The following CFAP299 variants were observed in gnomAD, a reference collection of about 807,000 sequenced individuals.
The protein encoded by CFAP299 is cilia and flagella associated protein 299, also known as cilia- and flagella-associated protein 299.
A neutral mutation model predicts 27.0 loss-of-function variants in CFAP299; 21 were observed. The observed-to-expected ratio is 0.78, with a 90% CI of 0.55 to 1.12. The LOEUF (loss-of-function observed/expected upper bound fraction) is 1.12, where lower values mean the gene tolerates loss of function less well. Ranked by LOEUF, CFAP299 falls within the 50% of genes most tolerant of loss-of-function variation. The pLI is 0.00. For synonymous variants in CFAP299, 104 were observed against 98.1 expected (o/e 1.06, Z -0.36); for missense variants, 310 against 276.6 (o/e 1.12, Z -0.86).
chr4:80,409,545 A>G (rs1463887441), intron 2 of CFAP299, among the ~76,000 whole-genome samples: 1 of 152,220 alleles, frequency 6.6e-6, no homozygotes, highest in East Asian at 1.9e-4. Context: ...ATTTCTACAT[A>G]GGTATCATGA....
At chr4:80,509,549 GT>G (rs908605972) in intron 2 of CFAP299, among the ~76,000 whole-genome samples, 1 of 152,080 alleles carries the variant, frequency 6.6e-6, no homozygotes, top group African/African-American at 2.4e-5. Context: ...ACCTCTGAGT[GT>G]GAATATTGAA....
intron 2 of CFAP299, among the ~76,000 whole-genome samples, chr4:80,439,347 C>T (rs538017900): frequency 1.3e-5 from 2 of 152,128 alleles, no homozygotes; most frequent in African/African-American, 4.8e-5. Flanking sequence ...ACTGAGGTAC[C>T]AAGCTCATCT....
intron 2 of CFAP299, among the ~76,000 whole-genome samples, chr4:80,418,741 C>T (rs1253220735): frequency 6.6e-6 from 1 of 152,108 alleles, no homozygotes; most frequent in Non-Finnish European, 1.5e-5. Context: ...AGAAAGCATG[C>T]AGTATTTGTC....
intron 2 of CFAP299, among the ~76,000 whole-genome samples, chr4:80,580,695 A>G (rs1288199099): frequency 1.3e-5 from 2 of 151,986 alleles, no homozygotes; most frequent in Non-Finnish European, 2.9e-5. Context: ...TGGTTATGCT[A>G]TAGGAAGCTA....
intron 2 of CFAP299, among the ~76,000 whole-genome samples, chr4:80,421,347 C>T (rs1727276990): frequency 1.3e-5 from 2 of 152,192 alleles, no homozygotes; most frequent in African/African-American, 4.8e-5. Context: ...GATTTTGCAA[C>T]TTCTCTTAAG....
intron 3 of CFAP299, among the ~76,000 whole-genome samples, chr4:80,757,984 C>G (rs904696321): frequency 6.6e-6 from 1 of 152,142 alleles, no homozygotes; most frequent in Non-Finnish European, 1.5e-5. Context: ...AGCATAACTT[C>G]GTGCAGGCCC....
intron 3 of CFAP299, among the ~76,000 whole-genome samples, chr4:80,632,254 A>T (rs1201474103): frequency 1.3e-5 from 2 of 151,624 alleles, no homozygotes; most frequent in African/African-American, 4.8e-5. Flanking sequence ...TTTTAAAAAC[A>T]ATTTGGTTTT....
At chr4:80,862,713 G>A (rs1440482726) in intron 3 of CFAP299, among the ~76,000 whole-genome samples, 3 of 152,112 alleles carry the variant, frequency 2.0e-5, no homozygotes, top group Non-Finnish European at 2.9e-5. Flanking sequence ...AAGTGTGCTT[G>A]TTCTGAGCCC....
intron 2 of CFAP299, among the ~76,000 whole-genome samples, chr4:80,476,561 C>CAGATA (rs1730281368): frequency 6.6e-6 from 1 of 152,074 alleles, no homozygotes; most frequent in Non-Finnish European, 1.5e-5. Context: ...TGGGAAGGTT[C>CAGATA]AGATAAGATT....
intron 2 of CFAP299, among the ~76,000 whole-genome samples, chr4:80,398,482 C>T (rs1434717884): frequency 6.6e-6 from 1 of 152,080 alleles, no homozygotes; most frequent in African/African-American, 2.4e-5. Flanking sequence ...GTACTGGTAC[C>T]AAAACAGATA....
At chr4:80,464,372 T>C (rs1207146542) in intron 2 of CFAP299, among the ~76,000 whole-genome samples, 5 of 152,212 alleles carry the variant, frequency 3.3e-5, no homozygotes, top group Admixed American at 1.3e-4. Context: ...TGTTTTTACC[T>C]GGAAGTAAGA....
At chr4:80,903,025 A>T (rs1160383267) in intron 4 of CFAP299, among the ~76,000 whole-genome samples, 1 of 152,234 alleles carries the variant, frequency 6.6e-6, no homozygotes, top group East Asian at 1.9e-4. Context: ...AATTTGCTAG[A>T]TTCTTAGAAA....
chr4:80,616,394 GT>G (rs1186797188), intron 3 of CFAP299, among the ~76,000 whole-genome samples: 1 of 151,682 alleles, frequency 6.6e-6, no homozygotes, highest in Non-Finnish European at 1.5e-5. Context: ...TTTTATATGT[GT>G]AATTTTTATA....
rs186229635 is a variant in CFAP299, at chr4:80,944,477, C to T, written c.477-333C>T. ...CTTCCAGTAAACAGTCTCTTAATACCCTGAAGAACCTGAACTAGAACAAAT... is the reference window on the plus strand; with the variant it reads ...CTTCCAGTAAACAGTCTCTTAATACTCTGAAGAACCTGAACTAGAACAAAT... On this transcript the variant is annotated intron_variant, in intron 4 of 5. Transcript: ENST00000358105. Among the ~76,000 whole-genome samples the T allele has an allele frequency of 4.1e-3, 617 of 152,140 alleles. 1 individual carries two copies. Among genetic ancestry groups the T allele is most frequent in the Middle Eastern group, 0.014 (4 of 294 alleles).
At chr4:80,503,059 A>G (rs1197640966) in intron 2 of CFAP299, among the ~76,000 whole-genome samples, 1 of 152,136 alleles carries the variant, frequency 6.6e-6, no homozygotes, top group Non-Finnish European at 1.5e-5. Context: ...CGAGAGGCAG[A>G]AGAGCAAGCA....
intron 2 of CFAP299, among the ~76,000 whole-genome samples, chr4:80,530,819 G>A (rs1356922140): frequency 6.6e-6 from 1 of 152,220 alleles, no homozygotes; most frequent in Non-Finnish European, 1.5e-5. Context: ...TCCAGGCAGA[G>A]TGAAAACATG....
chr4:80,388,725 C>A lies in CFAP299; in HGVS notation c.242+25841C>A, dbSNP rs144463808. 348 of 606,662 alleles carry A rather than the reference C, an allele frequency of 5.7e-4. 2 individuals carry two copies. The highest frequency in any genetic ancestry group is 5.5e-3 in the African/African-American group (285 of 51,574). The allele number at this position is 606,662 out of a possible 1,614,324, so 37.6% of individuals were successfully genotyped here. ...AAGATCACCTGCACCATCTTGGAGC[C>A]CCTATATTTCTTATAATTAATCAAT... On this transcript the variant is annotated intron_variant, in intron 2 of 5. Transcript: ENST00000358105.
chr4:80,611,007 C>T (rs913388160), intron 3 of CFAP299, among the ~76,000 whole-genome samples: 1 of 151,962 alleles, frequency 6.6e-6, no homozygotes, highest in Non-Finnish European at 1.5e-5. Flanking sequence ...ATCTTTGTAA[C>T]TTCATGGCCA....
intron 3 of CFAP299, among the ~76,000 whole-genome samples, chr4:80,665,354 A>G (rs1741096013): frequency 6.6e-6 from 1 of 152,198 alleles, no homozygotes; most frequent in Non-Finnish European, 1.5e-5. Context: ...TGTTGATGAT[A>G]GTCATTTGCT....
Sources: gnomAD v4.1 joint callset for allele counts (sites outside exome capture counted in the v4.1 genomes callset) on GRCh38, gnomAD v4.1.1 for gene constraint, MANE v1.5 for transcripts, NCBI Gene and HGNC (gene_info 2026-07-23, HGNC 2026-07-21) for gene names.